DGAT2L6: variants seen among roughly 807,000 people sequenced by gnomAD.
DGAT2L6 encodes diacylglycerol O-acyltransferase 2 like 6.
In DGAT2L6, 22 loss-of-function variants were observed where a neutral mutation model predicts 25.5. The observed-to-expected ratio is 0.86, with a 90% confidence interval of 0.62 to 1.23. The LOEUF (loss-of-function observed/expected upper bound fraction) is 1.23, where lower values mean the gene tolerates loss of function less well. Among genes scored for constraint, DGAT2L6 ranks in the 50% most tolerant of loss-of-function variants. The probability of loss-of-function intolerance (pLI) is 0.00; values close to 1 mark genes in which losing one functional copy is unlikely to be tolerated. For synonymous variants in DGAT2L6, 100 were observed against 94.7 expected, an observed-to-expected ratio of 1.06 and a Z score of -0.32; for missense variants, 287 against 253.2, an observed-to-expected ratio of 1.13 and a Z score of -0.91.
At chrX:70,184,526 A>G (rs909538179) in intron 1 of DGAT2L6, among the ~76,000 whole-genome samples, 1 of 109,198 alleles carries the variant, frequency 9.2e-6, no homozygotes, top group Admixed American at 9.8e-5. Context: ...GTGCAGTGGT[A>G]TGATCATAAC....
chrX:70,197,460 C>T (rs777186712), intron 1 of DGAT2L6, among the ~76,000 whole-genome samples: 1 of 111,752 alleles, frequency 8.9e-6, no homozygotes, highest in Admixed American at 9.5e-5. Flanking sequence ...TCTTAGACCG[C>T]CTTTAGGACT....
intron 1 of DGAT2L6, among the ~76,000 whole-genome samples, chrX:70,195,292 T>C (rs2085387376): frequency 8.9e-6 from 1 of 111,733 alleles, no homozygotes; most frequent in African/African-American, 3.3e-5. Flanking sequence ...TGTTGGTAGG[T>C]ATGTAAATTG....
intron 1 of DGAT2L6, among the ~76,000 whole-genome samples, chrX:70,181,726 T>C (rs1000498447): frequency 8.9e-6 from 1 of 111,816 alleles, no homozygotes; most frequent in Non-Finnish European, 1.9e-5. Flanking sequence ...TAAGACAGAC[T>C]GTGGTGAGTG....
At chrX:70,180,765 C>T (rs1245329490) in intron 1 of DGAT2L6, among the ~76,000 whole-genome samples, 1 of 111,935 alleles carries the variant, frequency 8.9e-6, no homozygotes, top group Non-Finnish European at 1.9e-5. Flanking sequence ...TTTGCCTATT[C>T]TAGGTACCTC....
chrX:70,192,558 T>C (rs749105208), intron 1 of DGAT2L6, among the ~76,000 whole-genome samples: 310 of 111,985 alleles, frequency 2.8e-3, no homozygotes, highest in African/African-American at 9.7e-3. Context: ...TCGTCACTTA[T>C]GTTAGAGTTA....
intron 1 of DGAT2L6, among the ~76,000 whole-genome samples, chrX:70,197,483 A>C (rs1397521164): frequency 4.5e-5 from 5 of 112,032 alleles, no homozygotes; most frequent in Non-Finnish European, 3.8e-5. Flanking sequence ...TGGATGAATG[A>C]ATCAGATAAA....
intron 1 of DGAT2L6, among the ~76,000 whole-genome samples, chrX:70,195,038 A>G (rs767346256): frequency 3.6e-5 from 4 of 111,912 alleles, no homozygotes; most frequent in Non-Finnish European, 7.5e-5. Flanking sequence ...CATACCACTC[A>G]ATAGAAAAAA....
At position 70,199,997 on chromosome X, in the gene DGAT2L6, T is replaced by C; in HGVS notation, c.267+115T>C. 6.3e-6 allele frequency: 5 copies of C among 794,138 alleles called. No homozygotes were observed. In the South Asian group the frequency reaches 1.3e-4, roughly 21 times the overall value. The allele number at this position is 794,138 out of a possible 1,213,427, so 65.4% of individuals were successfully genotyped here. On this transcript the variant is annotated intron_variant, in intron 3 of 6. Coordinates refer to ENST00000333026, the MANE Select transcript of DGAT2L6 (RefSeq NM_198512.3). ...CAGCAGCGAAGGTCAAGGCCCCGAG[T>C]CATAATGCAAAGCAAGGGCCCAAGA...
At chrX:70,187,990 G>T (rs911888631) in intron 1 of DGAT2L6, among the ~76,000 whole-genome samples, 3 of 111,760 alleles carry the variant, frequency 2.7e-5, no homozygotes, top group African/African-American at 9.8e-5. Flanking sequence ...TCCACAAAAT[G>T]ATAATGATTA....
chrX:70,199,538 A>G (rs2085402676), intron 2 of DGAT2L6, among the ~76,000 whole-genome samples, 157 bp downstream of exon 2: 1 of 111,624 alleles, frequency 9.0e-6, no homozygotes, highest in Non-Finnish European at 1.9e-5. Context: ...AGAGGTCTCT[A>G]CCAGGTAGCT....
chrX:70,189,303 C>T (rs2085368779), intron 1 of DGAT2L6, among the ~76,000 whole-genome samples: 1 of 111,062 alleles, frequency 9.0e-6, no homozygotes, highest in Non-Finnish European at 1.9e-5. Flanking sequence ...GATACAAGAT[C>T]ATGCATAAAA....
At chrX:70,190,146 T>C (rs146329058) in intron 1 of DGAT2L6, among the ~76,000 whole-genome samples, 208 of 112,491 alleles carry the variant, frequency 1.8e-3, no homozygotes, top group African/African-American at 6.5e-3. Context: ...ATATGGTCAA[T>C]TGATTTTTGA....
intron 1 of DGAT2L6, among the ~76,000 whole-genome samples, chrX:70,184,440 G>A (rs1176016763): frequency 9.1e-6 from 1 of 109,506 alleles, no homozygotes; most frequent in Non-Finnish European, 1.9e-5. Context: ...AGCAGATACA[G>A]GCTTTTTCTT....
intron 2 of DGAT2L6, 92 bp from the exon 3 acceptor site, chrX:70,199,720 C>T (rs1602693865): frequency 4.5e-6 from 4 of 884,928 alleles, no homozygotes; most frequent in African/African-American, 3.9e-5. Flanking sequence ...CCTCACGTGA[C>T]CTGAGGACTG....
At chrX:70,189,484 A>G (rs1007708110) in intron 1 of DGAT2L6, among the ~76,000 whole-genome samples, 3 of 112,383 alleles carry the variant, frequency 2.7e-5, no homozygotes, top group African/African-American at 9.7e-5. Context: ...AAAGATCTAA[A>G]TAATTAGAGA....
chrX:70,179,350 C>A (rs2085336095), intron 1 of DGAT2L6, among the ~76,000 whole-genome samples: 1 of 111,193 alleles, frequency 9.0e-6, no homozygotes, highest in Admixed American at 9.6e-5. Flanking sequence ...TTGATAAGTT[C>A]TGACCCTCAG....
Position 70,202,052 on chromosome X carries a change from C to T in DGAT2L6, c.635C>T (p.Ala212Val). Residue 212 changes from alanine (A) to valine (V), a missense_variant, in exon 5 of 7, where the codon GCA (alanine) becomes GTA (valine). Ala to Val is a moderately conservative substitution (Grantham distance 64). Coordinates refer to ENST00000333026, the MANE Select transcript of DGAT2L6 (RefSeq NM_198512.3). The stretch of plus-strand genomic sequence containing the variant: ...CAGCGTAAAGGTTTTGTGAAGATGG[C>T]ACTGCAAACAGGGTGGGTTCCAAGG... Reference protein sequence around the residue: ...LKQRKGFVKMALQTGAYLVPS... With the variant: ...LKQRKGFVKMVLQTGAYLVPS... The T allele has an allele frequency of 8.4e-7, 1 of 1,192,045 alleles. No individual in the cohort carries two copies. The highest frequency in any genetic ancestry group is 1.1e-6 in the Non-Finnish European group (1 of 886,163).
intron 1 of DGAT2L6, among the ~76,000 whole-genome samples, chrX:70,189,334 C>T (rs2085368874): frequency 9.0e-6 from 1 of 111,114 alleles, no homozygotes; most frequent in South Asian, 3.7e-4. Flanking sequence ...TTTCTATATA[C>T]TAGCAGAGAA....
At chrX:70,200,812 C>G (rs1384978825) in intron 4 of DGAT2L6, among the ~76,000 whole-genome samples, 1 of 111,971 alleles carries the variant, frequency 8.9e-6, no homozygotes, top group African/African-American at 3.2e-5. Flanking sequence ...TGGGATAGCT[C>G]AGGCGAACTT....
Sources: allele counts gnomAD v4.1 joint callset (sites outside exome capture counted in the v4.1 genomes callset), GRCh38; gene constraint gnomAD v4.1.1; transcripts MANE v1.5; gene names NCBI Gene and HGNC (gene_info 2026-07-23, HGNC 2026-07-21).